Variants in BACH2 observed in about 807,000 individuals in gnomAD.
The protein encoded by BACH2 is BACH transcriptional regulator 2, also known as transcription regulator protein BACH2.
In BACH2, 5 loss-of-function variants were observed where a neutral mutation model predicts 61.8. The ratio of observed to expected loss-of-function variants is 0.08; its 90% CI spans 0.04 to 0.17. The LOEUF (loss-of-function observed/expected upper bound fraction) is 0.17, where lower values mean the gene tolerates loss of function less well. Ranked by LOEUF, BACH2 falls within the 10% of genes least tolerant of loss-of-function variation. The pLI, the probability that BACH2 is intolerant of heterozygous loss-of-function variation, is 1.00. For synonymous variants in BACH2, 446 were observed against 440.1 expected (o/e 1.01, Z -0.17); for missense variants, 824 against 1,091.1 (o/e 0.76, Z 3.45).
Position 89,950,902 on chromosome 6 carries a change from C to T in BACH2, c.1204G>A (p.Val402Met), listed in dbSNP as rs757228508. ...YGQPHVGQKEVSNFTMGSPLR... is the reference protein window; with the variant it reads ...YGQPHVGQKEMSNFTMGSPLR... ...GGCGACCCCATGGTGAAGTTGGACA[C>T]CTCCTTCTGGCCCACGTGGGGCTGT... is the stretch of plus-strand genomic sequence containing the variant. The change falls in exon 7 of 9, where the codon GTG (valine) becomes ATG (methionine). Residue 402 changes from valine to methionine, a missense_variant. Coordinates refer to ENST00000257749, the MANE Select transcript of BACH2 (RefSeq NM_021813.4). This position sits in a 1 kb window ranked among gnomAD's most constrained non-coding sequence, Gnocchi z 5.3. The T allele has an allele frequency of 1.4e-5, 23 of 1,596,742 alleles. No individual in the cohort carries two copies. The highest frequency in any genetic ancestry group is 2.2e-5 in the East Asian group (1 of 44,768).
In BACH2 at chr6:90,209,341, C is replaced by T. The variant is rs1366277794; in HGVS notation, c.-274-2660G>A. 5.9e-5 allele frequency among the ~76,000 whole-genome samples: 9 copies of T among 152,186 alleles called. No individual in the cohort carries two copies. The East Asian group carries it at 1.7e-3, about 29-fold the overall frequency. ...GTACATGATGCCTGGGTAATCATGG[C>T]TTCAAAGTCAAGAAAATTCAATATC... On this transcript the variant is annotated intron_variant, in intron 3 of 8. Coordinates refer to ENST00000257749, the MANE Select transcript of BACH2 (RefSeq NM_021813.4).
chr6:90,121,385 A>G (rs1783617119), intron 4 of BACH2, among the ~76,000 whole-genome samples: 1 of 152,112 alleles, frequency 6.6e-6, no homozygotes, highest in African/African-American at 2.4e-5. Context: ...CTCTAGGTAG[A>G]TAGGGTTCCT....
At chr6:90,074,888 C>A (rs1781401972) in intron 5 of BACH2, among the ~76,000 whole-genome samples, 1 of 152,042 alleles carries the variant, frequency 6.6e-6, no homozygotes, top group Non-Finnish European at 1.5e-5. Flanking sequence ...CAATTTTAAT[C>A]TAAGAAAAAG....
intron 4 of BACH2, among the ~76,000 whole-genome samples, chr6:90,157,662 C>T (rs1252582279): frequency 1.3e-5 from 2 of 152,168 alleles, no homozygotes; most frequent in African/African-American, 4.8e-5. Flanking sequence ...AATTCACCCA[C>T]TGGATCAGGA....
At chr6:90,051,520 T>C (rs1048765805) in intron 5 of BACH2, among the ~76,000 whole-genome samples, 22 of 152,216 alleles carry the variant, frequency 1.4e-4, no homozygotes, top group South Asian at 4.1e-4. Flanking sequence ...AGAGAGACTA[T>C]GGCCCACAAA....
intron 4 of BACH2, among the ~76,000 whole-genome samples, chr6:90,181,327 T>G (rs1018720509): frequency 1.3e-5 from 2 of 149,754 alleles, no homozygotes; most frequent in East Asian, 2.0e-4. Flanking sequence ...TCCCACTGTG[T>G]GGTGTGTGTG....
chr6:89,932,477 G>C lies in BACH2; in HGVS notation c.2457C>G (p.Thr819=). Residue 819 remains threonine (T), a synonymous_variant, in exon 9 of 9, where the codon ACC becomes ACG. Transcript: ENST00000257749. The stretch of plus-strand genomic sequence containing the variant: ...CAGTCATTTCCTGGCAGAAGTCCAC[G>C]GTCACTGTTTGGCTCCTGGGTTCAA... The part of the protein sequence containing the change: ...PPLEPRSQTV[T]VDFCQEMTDK... The C allele has an allele frequency of 6.2e-7, 1 of 1,614,040 alleles. No homozygotes were observed. The highest frequency in any genetic ancestry group is 8.5e-7 in the Non-Finnish European group (1 of 1,179,986).
At chr6:89,985,992 G>A (rs1005941184) in intron 6 of BACH2, among the ~76,000 whole-genome samples, 3 of 152,222 alleles carry the variant, frequency 2.0e-5, no homozygotes, top group Admixed American at 6.5e-5. Context: ...TGCTGCCCAC[G>A]TGCTCCCTGG....
chr6:89,995,260 C>G (rs144488424), intron 6 of BACH2, among the ~76,000 whole-genome samples: 5 of 150,890 alleles, frequency 3.3e-5, no homozygotes, highest in Non-Finnish European at 5.9e-5. Context: ...CATCCCCCGA[C>G]CCCAGATTTG....
Position 90,013,803 on chromosome 6 carries a change from C to T in BACH2, c.-12-4947G>A, listed in dbSNP as rs564879299. On this transcript the variant is annotated intron_variant, in intron 5 of 8. Transcript: ENST00000257749. Reference sequence around the variant, plus strand: ...GATTATAGGTGTGAGTCACTGTGCCCGGCCTCTTTTTCTATCTTTCTTTCT... The same window carrying T: ...GATTATAGGTGTGAGTCACTGTGCCTGGCCTCTTTTTCTATCTTTCTTTCT... Among the ~76,000 whole-genome samples the T allele has an allele frequency of 1.6e-4, 25 of 152,004 alleles. No individual in the cohort carries two copies. The South Asian group carries it at 4.0e-3, about 24-fold the overall frequency.
At chr6:90,084,397 G>T (rs1248049926) in intron 5 of BACH2, among the ~76,000 whole-genome samples, 4 of 151,818 alleles carry the variant, frequency 2.6e-5, no homozygotes, top group Middle Eastern at 3.4e-3. Context: ...CATGGGGGGG[G>T]AATTTATTTT....
intron 4 of BACH2, among the ~76,000 whole-genome samples, chr6:90,146,327 A>T (rs1296812680): frequency 6.6e-6 from 1 of 152,238 alleles, no homozygotes; most frequent in Non-Finnish European, 1.5e-5. Flanking sequence ...AGCACAACAC[A>T]AAGCAAAGTA....
intron 5 of BACH2, among the ~76,000 whole-genome samples, chr6:90,019,994 G>A (rs1398000213): frequency 6.6e-6 from 1 of 152,174 alleles, no homozygotes; most frequent in Non-Finnish European, 1.5e-5. Flanking sequence ...AAAAGTATTA[G>A]TTTTGTTCAT....
rs151104423 is a variant in BACH2 at position 90,072,317 on chromosome 6, G to C, written c.-13+16644C>G. Among the ~76,000 whole-genome samples, 51 of 152,284 alleles carry C rather than the reference G, an allele frequency of 3.3e-4. 1 individual carries two copies. The East Asian group carries it at 9.7e-3, about 29-fold the overall frequency. The stretch of plus-strand genomic sequence containing the variant: ...GTTAGAAAAGCAAATGGTACCCTAA[G>C]TATCAAAAGGCAGCCAAAGGTCACT... On this transcript the variant is annotated intron_variant, in intron 5 of 8. Transcript: ENST00000257749.
In BACH2 at chr6:89,973,920, T is replaced by C. The variant is rs550524409; in HGVS notation, c.244-22058A>G. Among the ~76,000 whole-genome samples the C allele has an allele frequency of 1.5e-4, 23 of 152,292 alleles. No homozygotes were observed. In the South Asian group the frequency reaches 4.8e-3, roughly 32 times the overall value. On this transcript the variant is annotated intron_variant, in intron 6 of 8. Coordinates refer to ENST00000257749, the MANE Select transcript of BACH2 (RefSeq NM_021813.4). ...TATTTCAGATTTCAGATTTCAGATA[T>C]TCTCTCTGTTATCACTTTACATTGC...
At chr6:90,270,525 G>C (rs2127880855) in intron 2 of BACH2, among the ~76,000 whole-genome samples, 1 of 152,254 alleles carries the variant, frequency 6.6e-6, no homozygotes, top group East Asian at 1.9e-4. Flanking sequence ...TAACCAAGGA[G>C]GTGAAAATCT....
rs968284537 is a variant in BACH2 at position 90,196,573 on chromosome 6, A to C, written c.-162+9996T>G. On this transcript the variant is annotated intron_variant, in intron 4 of 8. Coordinates refer to ENST00000257749, the MANE Select transcript of BACH2 (RefSeq NM_021813.4). ...AATCCCAGCCTAGAGCTGTCACAGCAAATTGTTTATGGGTTGGATTTAAGA... is the reference window on the plus strand; with the variant it reads ...AATCCCAGCCTAGAGCTGTCACAGCCAATTGTTTATGGGTTGGATTTAAGA... Among the ~76,000 whole-genome samples, 3 of 152,224 alleles carry C rather than the reference A, an allele frequency of 2.0e-5. No homozygotes were observed. The East Asian group carries it at 5.8e-4, about 29-fold the overall frequency.
At chr6:89,977,758 G>A (rs1775732522) in intron 6 of BACH2, among the ~76,000 whole-genome samples, 1 of 149,990 alleles carries the variant, frequency 6.7e-6, no homozygotes, top group Non-Finnish European at 1.5e-5. Context: ...GAGATACAAG[G>A]CGGTTGAAAA....
At chr6:90,040,555 T>C (rs1009458706) in intron 5 of BACH2, among the ~76,000 whole-genome samples, 1 of 152,006 alleles carries the variant, frequency 6.6e-6, no homozygotes, top group Non-Finnish European at 1.5e-5. Flanking sequence ...AGCATCAGCT[T>C]GTTTGGTTAC....
Sources: allele counts gnomAD v4.1 joint callset (sites outside exome capture counted in the v4.1 genomes callset), GRCh38; gene constraint gnomAD v4.1.1; non-coding constraint Gnocchi (gnomAD v3.1); transcripts MANE v1.5; gene names NCBI Gene and HGNC (gene_info 2026-07-23, HGNC 2026-07-21).